Variants in KLK15 observed in about 807,000 individuals in gnomAD.
The protein encoded by KLK15 is kallikrein related peptidase 15.
A neutral mutation model predicts 21.1 loss-of-function variants in KLK15; 19 were observed. That is an observed-to-expected ratio of 0.90 (90% CI 0.63 to 1.32). The LOEUF is 1.32. Ranked by LOEUF, KLK15 falls within the 40% of genes most tolerant of loss-of-function variation. The pLI is 0.00. For missense variants in KLK15, 345 were observed against 348.6 expected, an observed-to-expected ratio of 0.99 and a Z score of 0.08; for synonymous variants, 141 against 141.5, an observed-to-expected ratio of 1.00 and a Z score of 0.03.
chr19:50,833,411 A>T (rs923360650), upstream of KLK15, among the ~76,000 whole-genome samples: 1 of 152,138 alleles, frequency 6.6e-6, no homozygotes, highest in Non-Finnish European at 1.5e-5. Context: ...GGACACGTGG[A>T]TCTACCCATG....
At chr19:50,832,519 C>T (rs559761557), upstream of KLK15, among the ~76,000 whole-genome samples, 154 of 139,886 alleles carry the variant, frequency 1.1e-3, no homozygotes, top group African/African-American at 3.6e-3. Flanking sequence ...GACGGAGTTT[C>T]ACCATGTTGG....
intron 4 of KLK15, 91 bp from the exon 6 acceptor site, chr19:50,826,039 A>T: frequency 7.8e-7 from 1 of 1,274,442 alleles, no homozygotes; most frequent in Non-Finnish European, 1.1e-6. Context: ...CCCAAACCCA[A>T]TCCATCCCCA....
chr19:50,826,128 C>G, intron 4 of KLK15, 180 bp from the exon 6 acceptor site: 2 of 599,690 alleles, frequency 3.3e-6, no homozygotes, highest in Non-Finnish European at 5.8e-6. Flanking sequence ...CCAACCCCAA[C>G]CCCAATTCAA....
At chr19:50,826,888 G>A (rs1045816652) in exon 3 of KLK15, 1 of 1,562,018 alleles carries the variant, frequency 6.4e-7, no homozygotes, top group African/African-American at 1.4e-5. Context: ...CTTGTGACCG[G>A]GGGCTCCCAG....
At chr19:50,827,017 C>T (rs1219784916) in exon 3 of KLK15, 2 of 1,605,876 alleles carry the variant, frequency 1.2e-6, no homozygotes, top group East Asian at 2.2e-5. Flanking sequence ...GGCGTGCGGG[C>T]TGGACTAGGC....
At chr19:50,831,525 T>G, upstream of KLK15, 1 of 1,453,216 alleles carries the variant, frequency 6.9e-7, no homozygotes, top group African/African-American at 1.5e-5. Flanking sequence ...GGCTGCAGTC[T>G]GGGGAGGGAG....
At chr19:50,827,915 C>A (rs2089912953) in intron 1 of KLK15, 100 bp from the exon 3 acceptor site, 2 of 1,132,996 alleles carry the variant, frequency 1.8e-6, no homozygotes, top group Non-Finnish European at 2.6e-6. Context: ...CTATGCCTTT[C>A]CCCTAACTTC....
At chr19:50,827,731 CCACGCTCGTAGAGAG>C (rs781471378) in exon 2 of KLK15, 1 of 1,611,270 alleles carries the variant, frequency 6.2e-7, no homozygotes, top group Non-Finnish European at 8.5e-7. Flanking sequence ...GTTAAAGCGT[CCACGCTCGTAGAGAG>C]CCACTTGCCA....
exon 4 of KLK15, chr19:50,826,623 C>T: frequency 6.3e-7 from 1 of 1,597,796 alleles, no homozygotes; most frequent in Non-Finnish European, 8.5e-7. Context: ...GCTCTGACCT[C>T]ACAGGATTCT....
Position 50,827,685 on chromosome 19 carries a change from C to T in KLK15, c.174G>A (p.Leu58=), listed in dbSNP as rs551706031. The change falls in exon 2 of 5, where the codon CTG becomes CTA. Residue 58 remains leucine (L), a synonymous_variant. Transcript: ENST00000598239. ...ACCGGCTTTGGCAGTGGGCCGCAGA[C>T]AGCACCCAGTGTGGGGAGATGAGGG... The T allele has an allele frequency of 6.7e-5, 108 of 1,611,202 alleles. No homozygotes were observed. In the South Asian group the frequency reaches 1.1e-3, roughly 16 times the overall value.
chr19:50,832,325 T>TC (rs1555766965), upstream of KLK15, among the ~76,000 whole-genome samples: 77 of 135,956 alleles, frequency 5.7e-4, no homozygotes, highest in African/African-American at 1.5e-3. Flanking sequence ...TTTTTTTCTT[T>TC]TTTTTTTTTT....
At chr19:50,825,910 C>T in exon 5 of KLK15, 1 of 1,613,962 alleles carries the variant, frequency 6.2e-7, no homozygotes, top group Non-Finnish European at 8.5e-7. Flanking sequence ...CAATGCCCTG[C>T]AGGATGCCCC....
intron 1 of KLK15, among the ~76,000 whole-genome samples, chr19:50,829,140 G>A (rs1599954495): frequency 6.6e-6 from 1 of 151,362 alleles, no homozygotes; most frequent in Admixed American, 6.6e-5. Context: ...TGTGAGTCTT[G>A]GCATCCAGTG....
chr19:50,825,325 T>A (rs912398023), downstream of KLK15: 2 of 153,918 alleles, frequency 1.3e-5, no homozygotes, highest in Non-Finnish European at 2.9e-5. Flanking sequence ...TTCAGACGAA[T>A]CATCTCATTT....
At chr19:50,829,689 G>A (rs1342411293) in intron 1 of KLK15, among the ~76,000 whole-genome samples, 1 of 151,662 alleles carries the variant, frequency 6.6e-6, no homozygotes, top group Admixed American at 6.6e-5. Flanking sequence ...GCGTGGTGGT[G>A]CGTGCCTGTA....
At chr19:50,827,893 A>T in intron 1 of KLK15, 78 bp from the exon 3 acceptor site, 1 of 1,367,308 alleles carries the variant, frequency 7.3e-7, no homozygotes, top group Non-Finnish European at 1.0e-6. Flanking sequence ...CCCTGCCCTA[A>T]CTACTATATG....
upstream of KLK15, among the ~76,000 whole-genome samples, chr19:50,832,327 T>C (rs539226717): frequency 8.9e-5 from 12 of 134,170 alleles, no homozygotes; most frequent in African/African-American, 2.9e-4. Context: ...TTTTTCTTTT[T>C]TTTTTTTTTT....
chr19:50,833,148 G>C (rs1025367111), upstream of KLK15: 2 of 152,042 alleles, frequency 1.3e-5, no homozygotes, highest in African/African-American at 4.8e-5. Flanking sequence ...CTTGAAGATG[G>C]GGCTCAGGTC....
chr19:50,825,690 A>G (rs941735397), downstream of KLK15: 37 of 1,174,890 alleles, frequency 3.1e-5, no homozygotes, highest in Non-Finnish European at 4.4e-5. Flanking sequence ...TGGGCCTTGG[A>G]CAGGGTCTTG....
Sources: gnomAD v4.1 joint callset for allele counts (sites outside exome capture counted in the v4.1 genomes callset) on GRCh38, gnomAD v4.1.1 for gene constraint, MANE v1.5 for transcripts, NCBI Gene and HGNC (gene_info 2026-07-23, HGNC 2026-07-21) for gene names.